Variants in PDE4D observed in about 807,000 individuals in gnomAD.
The protein encoded by PDE4D is 3',5'-cyclic-AMP phosphodiesterase 4D.
In PDE4D, 24 loss-of-function variants were observed where a neutral mutation model predicts 87.4. The observed-to-expected ratio is 0.27, with a 90% confidence interval of 0.20 to 0.39. PDE4D has a LOEUF of 0.39. Ranked by LOEUF, PDE4D falls within the 10% of genes least tolerant of loss-of-function variation. The pLI, the probability that PDE4D is intolerant of heterozygous loss-of-function variation, is 1.00. For synonymous variants in PDE4D, 384 were observed against 383.2 expected (o/e 1.00, Z -0.02); for missense variants, 714 against 1,041.0 (o/e 0.69, Z 4.32).
intron 1 of PDE4D, among the ~76,000 whole-genome samples, chr5:59,584,206 G>A (rs530854659): frequency 6.6e-6 from 1 of 152,220 alleles, no homozygotes; most frequent in South Asian, 2.1e-4. Context: ...ATCTCTTACT[G>A]CAGTACTGGA....
intron 1 of PDE4D, among the ~76,000 whole-genome samples, chr5:60,240,303 G>A (rs1406160288): frequency 6.6e-6 from 1 of 151,878 alleles, no homozygotes; most frequent in Non-Finnish European, 1.5e-5. Flanking sequence ...CAACTATCTA[G>A]GCAAAAATCA....
intron 1 of PDE4D, among the ~76,000 whole-genome samples, chr5:60,267,017 A>T (rs910085489): frequency 6.6e-6 from 1 of 152,224 alleles, no homozygotes; most frequent in Non-Finnish European, 1.5e-5. Context: ...TTTTCCTCTC[A>T]TCAGGCAGAT....
intron 3 of PDE4D, among the ~76,000 whole-genome samples, chr5:59,970,546 G>C (rs1266732179): frequency 6.6e-6 from 1 of 152,148 alleles, no homozygotes; most frequent in Non-Finnish European, 1.5e-5. Context: ...AAGTGGTGAA[G>C]GACATGAACA....
At chr5:59,584,088 G>A (rs1472431987) in intron 1 of PDE4D, among the ~76,000 whole-genome samples, 2 of 152,184 alleles carry the variant, frequency 1.3e-5, no homozygotes, top group Middle Eastern at 3.2e-3. Context: ...GCAATTTGGC[G>A]AGACCTTTAT....
chr5:59,337,760 A>G (rs1436419014), intron 1 of PDE4D, among the ~76,000 whole-genome samples: 1 of 152,184 alleles, frequency 6.6e-6, no homozygotes. Flanking sequence ...TTCTACTAGA[A>G]CATCTGGTAT....
intron 2 of PDE4D, among the ~76,000 whole-genome samples, chr5:60,104,397 C>A (rs1776616339): frequency 6.6e-6 from 1 of 152,232 alleles, no homozygotes; most frequent in Non-Finnish European, 1.5e-5. Context: ...CTCAAGGAGG[C>A]CTGCCTGCCT....
chr5:59,441,807 T>C lies in PDE4D; in HGVS notation c.456-225839A>G, dbSNP rs79154554. 2.1e-3 allele frequency among the ~76,000 whole-genome samples: 325 copies of C among 152,356 alleles called. 1 individual carries two copies. The highest frequency in any genetic ancestry group is 3.9e-3 in the Non-Finnish European group (263 of 68,032). Reference sequence around the variant, plus strand: ...TTTTATTAGCAAGCTTAAATAACTATTGACTCTGACTTTGCATTCCAGTGT... The same window carrying C: ...TTTTATTAGCAAGCTTAAATAACTACTGACTCTGACTTTGCATTCCAGTGT... On this transcript the variant is annotated intron_variant, in intron 1 of 14. Transcript: ENST00000340635.
chr5:60,448,285 C>T (rs1004313420), intron 1 of PDE4D, among the ~76,000 whole-genome samples: 4 of 152,086 alleles, frequency 2.6e-5, no homozygotes, highest in African/African-American at 7.2e-5. Context: ...TACTTAAAAG[C>T]AAAATCATTC....
intron 6 of PDE4D, among the ~76,000 whole-genome samples, chr5:59,031,392 T>TTATATATATATA (rs138464552): frequency 2.9e-5 from 1 of 34,284 alleles, no homozygotes; most frequent in African/African-American, 1.6e-4. Flanking sequence ...TATATATATA[T>TTATATATATATA]TATATATATA....
intron 1 of PDE4D, among the ~76,000 whole-genome samples, chr5:59,226,101 A>G (rs1753730572): frequency 6.6e-6 from 1 of 152,162 alleles, no homozygotes; most frequent in Non-Finnish European, 1.5e-5. Flanking sequence ...AAGTTCCTCA[A>G]AAAATTAAAA....
At chr5:60,458,061 TA>T (rs753774231) in intron 1 of PDE4D, among the ~76,000 whole-genome samples, 9 of 152,170 alleles carry the variant, frequency 5.9e-5, no homozygotes, top group Non-Finnish European at 1.3e-4. Context: ...ACCACTTTTC[TA>T]GTGTTCTCCC....
chr5:59,579,666 C>T (rs1823747160), intron 1 of PDE4D, among the ~76,000 whole-genome samples: 1 of 152,162 alleles, frequency 6.6e-6, no homozygotes, highest in South Asian at 2.1e-4. Context: ...CTCAACAATG[C>T]CCCGCAGAGA....
intron 1 of PDE4D, among the ~76,000 whole-genome samples, chr5:60,339,550 C>T (rs1254474599): frequency 6.6e-6 from 1 of 152,224 alleles, no homozygotes; most frequent in Non-Finnish European, 1.5e-5. Flanking sequence ...TGCAGGTAAC[C>T]GAAACCACAA....
chr5:59,690,284 A>G (rs1281033649), intron 1 of PDE4D, among the ~76,000 whole-genome samples: 1 of 152,206 alleles, frequency 6.6e-6, no homozygotes, highest in Non-Finnish European at 1.5e-5. Context: ...CAAAAGAACA[A>G]AGCTGGAGGC....
chr5:60,270,000 A>G (rs774744600), intron 1 of PDE4D, among the ~76,000 whole-genome samples: 5 of 152,230 alleles, frequency 3.3e-5, no homozygotes, highest in African/African-American at 7.2e-5. Flanking sequence ...AGAGACAGTG[A>G]GACTGAACAT....
chr5:59,655,601 T>C (rs1165383808), intron 1 of PDE4D, among the ~76,000 whole-genome samples: 1 of 152,184 alleles, frequency 6.6e-6, no homozygotes, highest in Non-Finnish European at 1.5e-5. Context: ...TTATTGTTGA[T>C]GAGTTTGTTC....
intron 1 of PDE4D, among the ~76,000 whole-genome samples, chr5:59,237,785 GT>G (rs1756784918): frequency 9.5e-5 from 14 of 146,940 alleles, no homozygotes; most frequent in African/African-American, 2.3e-4. Flanking sequence ...TCATATAGGT[GT>G]GTGTGTGTGT....
chr5:60,239,611 T>G (rs1746846795), intron 1 of PDE4D, among the ~76,000 whole-genome samples: 1 of 152,168 alleles, frequency 6.6e-6, no homozygotes, highest in Non-Finnish European at 1.5e-5. Context: ...TGTCTTACCT[T>G]AAAATTTTGT....
intron 1 of PDE4D, among the ~76,000 whole-genome samples, chr5:59,824,045 C>T (rs978444442): frequency 6.6e-6 from 1 of 151,760 alleles, no homozygotes; most frequent in Admixed American, 6.6e-5. Context: ...ATTTATTTGT[C>T]AAGTAGTTCA....
Sources: gnomAD v4.1 joint callset for allele counts (sites outside exome capture counted in the v4.1 genomes callset) on GRCh38, gnomAD v4.1.1 for gene constraint, MANE v1.5 for transcripts, NCBI Gene and HGNC (gene_info 2026-07-23, HGNC 2026-07-21) for gene names.